Variants in ZNF704 observed in about 807,000 individuals in gnomAD.
ZNF704 encodes the protein glucocorticoid induced gene 1.
In ZNF704, 10 loss-of-function variants were observed where a neutral mutation model predicts 44.7. That is an observed-to-expected ratio of 0.22 (90% CI 0.14 to 0.38). The LOEUF is 0.38. Among genes scored for constraint, ZNF704 ranks in the 10% least tolerant of loss-of-function variants. The pLI is 1.00. For synonymous variants in ZNF704, 211 were observed against 207.6 expected (o/e 1.02, Z -0.14); for missense variants, 390 against 545.5 (o/e 0.71, Z 2.84).
rs1817544473 is a variant in ZNF704, at chr8:80,629,045, C to CT, written c.*12320_*12321insA. 1 of 145,180 alleles carries CT rather than the reference C, an allele frequency of 6.9e-6. No homozygotes were observed. The highest frequency in any genetic ancestry group is 1.5e-5 in the Non-Finnish European group (1 of 67,032). 9.0% of individuals were successfully genotyped at this position (145,180 alleles called of 1,614,324 possible). A position where few individuals can be genotyped will look rare whatever the true frequency, so the allele number is the denominator to read the frequency against. ...TTCCTGGTGTTAAATATTTAGGAAACATTTTTTTTTTTAAAAAACGAACAC... is the reference window on the plus strand; with the variant it reads ...TTCCTGGTGTTAAATATTTAGGAAACTATTTTTTTTTTTAAAAAACGAACAC... On this transcript the variant is annotated 3_prime_UTR_variant, in exon 9 of 9. Transcript: ENST00000327835.
chr8:80,826,885 T>C (rs569448457), intron 1 of ZNF704, among the ~76,000 whole-genome samples: 1 of 152,318 alleles, frequency 6.6e-6, no homozygotes, highest in African/African-American at 2.4e-5. Flanking sequence ...CCCTTCATGC[T>C]AAAAACTCTC....
intron 1 of ZNF704, among the ~76,000 whole-genome samples, chr8:80,861,314 T>TC (rs1290343603): frequency 6.6e-6 from 1 of 152,210 alleles, no homozygotes; most frequent in Non-Finnish European, 1.5e-5. Flanking sequence ...ACTGGATTCT[T>TC]CCTTTCCCTT....
intron 1 of ZNF704, among the ~76,000 whole-genome samples, 166 bp from the exon 2 acceptor site, chr8:80,821,781 AAAT>A (rs1175664793): frequency 6.6e-6 from 1 of 152,244 alleles, no homozygotes; most frequent in Non-Finnish European, 1.5e-5. Flanking sequence ...TAACTTCACA[AAAT>A]AATATACAAT....
chr8:80,745,552 C>T (rs982197763), intron 2 of ZNF704, among the ~76,000 whole-genome samples: 1 of 152,084 alleles, frequency 6.6e-6, no homozygotes, highest in Admixed American at 6.6e-5. Flanking sequence ...CTACCTCAAC[C>T]AAAGTTTTAA....
At chr8:80,765,137 G>T (rs569045081) in intron 2 of ZNF704, among the ~76,000 whole-genome samples, 5 of 152,198 alleles carry the variant, frequency 3.3e-5, no homozygotes, top group South Asian at 2.1e-4. Flanking sequence ...TCAGGCCTTG[G>T]GGGGGCCACT....
intron 2 of ZNF704, among the ~76,000 whole-genome samples, chr8:80,782,827 C>T (rs1807552411): frequency 6.6e-6 from 1 of 151,946 alleles, no homozygotes; most frequent in African/African-American, 2.4e-5. Context: ...CTCACAAAAT[C>T]CTCCTGTCGT....
At chr8:80,642,074 T>C (rs1029921041) in intron 8 of ZNF704, among the ~76,000 whole-genome samples, 1 of 152,170 alleles carries the variant, frequency 6.6e-6, no homozygotes, top group Non-Finnish European at 1.5e-5. Flanking sequence ...GCTTCCACCA[T>C]TCTCAATTTC....
chr8:80,869,358 C>G (rs1023106894), intron 1 of ZNF704, among the ~76,000 whole-genome samples: 1 of 152,212 alleles, frequency 6.6e-6, no homozygotes, highest in Non-Finnish European at 1.5e-5. Flanking sequence ...TACATTTGCT[C>G]TCAATGCCTT....
At position 80,848,558 on chromosome 8, in the gene ZNF704, A is replaced by C. The variant is rs111453915; in HGVS notation, c.-22+26013T>G. 3.7e-3 allele frequency among the ~76,000 whole-genome samples: 562 copies of C among 152,180 alleles called. 2 individuals are homozygous for C. Among genetic ancestry groups the C allele is most frequent in the African/African-American group, 0.013 (543 of 41,530 alleles). On this transcript the variant is annotated intron_variant, in intron 1 of 8. Coordinates refer to ENST00000327835, the MANE Select transcript of ZNF704 (RefSeq NM_001033723.3). Reference sequence around the variant, plus strand: ...TATAATTATCTTTTAAAGTTTTAAAACCTAGACTGGGTGAGGTGGTTCATG... The same window carrying C: ...TATAATTATCTTTTAAAGTTTTAAACCCTAGACTGGGTGAGGTGGTTCATG...
chr8:80,719,007 C>A (rs1307052470), intron 2 of ZNF704, among the ~76,000 whole-genome samples: 1 of 151,952 alleles, frequency 6.6e-6, no homozygotes, highest in African/African-American at 2.4e-5. Context: ...CTCTGTTGTC[C>A]AGGCTGGAGT....
At chr8:80,677,747 G>A (rs1234976216) in intron 4 of ZNF704, among the ~76,000 whole-genome samples, 3 of 152,066 alleles carry the variant, frequency 2.0e-5, no homozygotes, top group East Asian at 3.9e-4. Context: ...ATAAATATTT[G>A]TTATGTTCAA....
intron 2 of ZNF704, among the ~76,000 whole-genome samples, chr8:80,773,452 G>T (rs1807358804): frequency 6.6e-6 from 1 of 152,058 alleles, no homozygotes; most frequent in South Asian, 2.1e-4. Flanking sequence ...TGCACATTTA[G>T]AATTACATCA....
chr8:80,841,956 T>C lies in ZNF704; in HGVS notation c.-21-20341A>G, dbSNP rs757858912. Among the ~76,000 whole-genome samples, 6 of 152,060 alleles carry C rather than the reference T, an allele frequency of 3.9e-5. No homozygotes were observed. In the South Asian group the frequency reaches 6.2e-4, roughly 16 times the overall value. ...GCACATGCCACCACTCCTTGTTTAG[T>C]TTTTTAATTTTTTCATTTTTTCTAG... On this transcript the variant is annotated intron_variant, in intron 1 of 8. Transcript: ENST00000327835.
At chr8:80,710,750 G>A (rs1818972875) in intron 2 of ZNF704, among the ~76,000 whole-genome samples, 1 of 152,154 alleles carries the variant, frequency 6.6e-6, no homozygotes, top group South Asian at 2.1e-4. Flanking sequence ...CCTTGATCTT[G>A]GACTTCCCTG....
chr8:80,653,839 C>G (rs1186933587), intron 7 of ZNF704, among the ~76,000 whole-genome samples: 1 of 152,202 alleles, frequency 6.6e-6, no homozygotes, highest in Non-Finnish European at 1.5e-5. Context: ...GAAAAAACTA[C>G]TTTAAAGTTC....
At chr8:80,774,922 C>A (rs1198511805) in intron 2 of ZNF704, among the ~76,000 whole-genome samples, 1 of 152,138 alleles carries the variant, frequency 6.6e-6, no homozygotes, top group Non-Finnish European at 1.5e-5. Context: ...AAATGAAAAC[C>A]CATGAAACTT....
chr8:80,717,508 G>C (rs1224236485), intron 2 of ZNF704, among the ~76,000 whole-genome samples: 1 of 152,216 alleles, frequency 6.6e-6, no homozygotes, highest in Non-Finnish European at 1.5e-5. Flanking sequence ...CTGCTTCCTA[G>C]GGCGTTGTGA....
At chr8:80,679,898 G>A (rs1439034127) in intron 4 of ZNF704, among the ~76,000 whole-genome samples, 1 of 152,136 alleles carries the variant, frequency 6.6e-6, no homozygotes, top group East Asian at 1.9e-4. Flanking sequence ...TTGATGCTGT[G>A]GGCCACAATG....
chr8:80,855,494 T>C (rs1038283088), intron 1 of ZNF704, among the ~76,000 whole-genome samples: 1 of 152,118 alleles, frequency 6.6e-6, no homozygotes, highest in Admixed American at 6.6e-5. Flanking sequence ...TGGGGGTCAT[T>C]ATCATAAGTG....
Sources: gnomAD v4.1 joint callset for allele counts (sites outside exome capture counted in the v4.1 genomes callset) on GRCh38, gnomAD v4.1.1 for gene constraint, MANE v1.5 for transcripts, NCBI Gene and HGNC (gene_info 2026-07-23, HGNC 2026-07-21) for gene names.